Variants in PIP5K1B observed in about 807,000 individuals in gnomAD.
PIP5K1B encodes the protein phosphatidylinositol 4-phosphate 5-kinase type-1 beta.
Under a neutral mutation model 67.0 loss-of-function variants are expected in PIP5K1B, and 42 were observed. The ratio of observed to expected loss-of-function variants is 0.63; its 90% CI spans 0.49 to 0.81. The LOEUF is 0.81. Ranked by LOEUF, PIP5K1B falls within the 30% of genes least tolerant of loss-of-function variation. The pLI is 0.00. For missense variants in PIP5K1B, 459 were observed against 646.3 expected, an observed-to-expected ratio of 0.71 and a Z score of 3.14; for synonymous variants, 214 against 231.4, an observed-to-expected ratio of 0.92 and a Z score of 0.68.
At chr9:68,746,155 T>A (rs1829296166) in intron 2 of PIP5K1B, among the ~76,000 whole-genome samples, 1 of 148,486 alleles carries the variant, frequency 6.7e-6, no homozygotes, top group Non-Finnish European at 1.5e-5. Flanking sequence ...CTCGGCTCAC[T>A]GCAACCTCCA....
intron 14 of PIP5K1B, 83 bp from the exon 15 acceptor site, chr9:68,991,057 C>T (rs894728653): frequency 8.1e-5 from 64 of 794,512 alleles, no homozygotes; most frequent in Non-Finnish European, 1.2e-4. Context: ...AAGCTGCCCA[C>T]CTCACCCTCT....
At chr9:68,862,168 A>G (rs191864024) in intron 4 of PIP5K1B, among the ~76,000 whole-genome samples, 26 of 152,262 alleles carry the variant, frequency 1.7e-4, no homozygotes, top group African/African-American at 6.3e-4. Flanking sequence ...GCCCTGCTCT[A>G]GATGTAGTCT....
chr9:68,781,802 G>A (rs1430149891), intron 2 of PIP5K1B: 1 of 166,554 alleles, frequency 6.0e-6, no homozygotes. Context: ...AAGTGAAATG[G>A]GACAGTGCCT....
intron 14 of PIP5K1B, among the ~76,000 whole-genome samples, chr9:68,958,084 G>A (rs1828497228): frequency 6.6e-6 from 1 of 152,058 alleles, no homozygotes; most frequent in African/African-American, 2.4e-5. Context: ...TGTTGCCCAG[G>A]CTGGTCTTGA....
intron 5 of PIP5K1B, among the ~76,000 whole-genome samples, chr9:68,874,001 A>G (rs191859047): frequency 1.5e-4 from 23 of 152,332 alleles, no homozygotes; most frequent in African/African-American, 4.3e-4. Flanking sequence ...TATGAACCTA[A>G]TTTACAGAAG....
intron 2 of PIP5K1B, among the ~76,000 whole-genome samples, chr9:68,811,024 C>T (rs966683513): frequency 3.3e-5 from 5 of 152,172 alleles, no homozygotes; most frequent in Non-Finnish European, 7.3e-5. Context: ...CTTGACTGGA[C>T]TCCAGGAAAA....
At chr9:68,909,352 C>T (rs1269369384) in intron 8 of PIP5K1B, among the ~76,000 whole-genome samples, 1 of 150,636 alleles carries the variant, frequency 6.6e-6, no homozygotes, top group Non-Finnish European at 1.5e-5. Context: ...CAAGACATCA[C>T]ATCATTTTAC....
At chr9:68,981,945 G>A (rs995616105) in intron 14 of PIP5K1B, among the ~76,000 whole-genome samples, 1 of 152,212 alleles carries the variant, frequency 6.6e-6, no homozygotes, top group Non-Finnish European at 1.5e-5. Flanking sequence ...GGAGAGCAGA[G>A]CACAGAGCCC....
At chr9:68,926,851 A>G in intron 12 of PIP5K1B, among the ~76,000 whole-genome samples, 1 of 152,142 alleles carries the variant, frequency 6.6e-6, no homozygotes, top group Non-Finnish European at 1.5e-5. Flanking sequence ...AGATACAGGC[A>G]TGAGCCACCA....
chr9:68,851,024 A>T (rs773707868), intron 4 of PIP5K1B, among the ~76,000 whole-genome samples: 20 of 152,204 alleles, frequency 1.3e-4, no homozygotes, highest in South Asian at 2.1e-4. Flanking sequence ...TAGGGCAATT[A>T]AGTGTCCATA....
Position 68,888,987 on chromosome 9 carries a change from AT to A in PIP5K1B, c.326del (p.Ile109ThrfsTer6). ...GIKPDDYLYS[I>X]CSEPLIELSN... ...TATTCATTTACCCTTTTAGTATTCCATCTGCAGTGAACCTCTAATAGAACTG... is the reference window on the plus strand; with the variant it reads ...TATTCATTTACCCTTTTAGTATTCCACTGCAGTGAACCTCTAATAGAACTG... On this transcript the variant is annotated frameshift_variant, in exon 7 of 16. Transcript: ENST00000265382. LOFTEE classifies it high-confidence loss of function. 1 of 1,606,876 alleles carries A rather than the reference AT, an allele frequency of 6.2e-7. No individual in the cohort carries two copies.
intron 14 of PIP5K1B, among the ~76,000 whole-genome samples, chr9:68,961,847 A>G (rs937878052): frequency 4.6e-5 from 7 of 152,184 alleles, no homozygotes; most frequent in African/African-American, 1.4e-4. Flanking sequence ...CATTCTTAAA[A>G]TAGGGTTGAG....
chr9:68,740,960 T>A, intron 1 of PIP5K1B, among the ~76,000 whole-genome samples: 1 of 152,238 alleles, frequency 6.6e-6, no homozygotes, highest in East Asian at 1.9e-4. Flanking sequence ...AAGTTTTAGA[T>A]CAGGTCATTT....
chr9:68,910,965 T>G (rs947503995), intron 8 of PIP5K1B, among the ~76,000 whole-genome samples: 2 of 152,224 alleles, frequency 1.3e-5, no homozygotes, highest in Admixed American at 1.3e-4. Flanking sequence ...GTGAGGACTT[T>G]CTATGTCAAA....
At chr9:68,859,833 A>G (rs1294112267) in intron 4 of PIP5K1B, among the ~76,000 whole-genome samples, 1 of 152,232 alleles carries the variant, frequency 6.6e-6, no homozygotes, top group African/African-American at 2.4e-5. Flanking sequence ...CACAGTTTCA[A>G]AGTACATCTG....
intron 8 of PIP5K1B, among the ~76,000 whole-genome samples, chr9:68,897,790 C>A (rs562342663): frequency 5.7e-4 from 86 of 152,070 alleles, no homozygotes; most frequent in Non-Finnish European, 1.1e-3. Context: ...CTGACCTCCC[C>A]CTGCTTCTTG....
Position 68,819,792 on chromosome 9 carries a change from G to A in PIP5K1B, c.-1+1247G>A, listed in dbSNP as rs538583953. 7.3e-4 allele frequency among the ~76,000 whole-genome samples: 111 copies of A among 152,026 alleles called. 1 individual carries two copies. Among genetic ancestry groups the A allele is most frequent in the African/African-American group, 2.6e-3 (108 of 41,462 alleles). Reference sequence around the variant, plus strand: ...CCGACTCCAATGCCCCTGGTTAATAGGTTTATGTGACCTTTGTTAAACATC... The same window carrying A: ...CCGACTCCAATGCCCCTGGTTAATAAGTTTATGTGACCTTTGTTAAACATC... On this transcript the variant is annotated intron_variant, in intron 3 of 15. Coordinates refer to ENST00000265382, the MANE Select transcript of PIP5K1B (RefSeq NM_003558.4).
rs369575439 is a variant in PIP5K1B, at chr9:68,978,900, G to A, written c.1503-12240G>A. Among the ~76,000 whole-genome samples the A allele has an allele frequency of 1.7e-3, 260 of 152,230 alleles. 2 individuals carry two copies. The highest frequency in any genetic ancestry group is 5.7e-3 in the African/African-American group (236 of 41,550). On this transcript the variant is annotated intron_variant, in intron 14 of 15. Coordinates refer to ENST00000265382, the MANE Select transcript of PIP5K1B (RefSeq NM_003558.4). ...TTTTCTCCTTCGTTTTTTCCTGGAA[G>A]CTTTCTACGTTTAACTTTCACATTT...
rs181140859 is a variant in PIP5K1B, at chr9:68,985,490, G to A, written c.1503-5650G>A. 5.3e-3 allele frequency among the ~76,000 whole-genome samples: 807 copies of A among 152,170 alleles called. 5 individuals are homozygous for A. Among genetic ancestry groups the A allele is most frequent in the South Asian group, 0.027 (132 of 4,818 alleles). On this transcript the variant is annotated intron_variant, in intron 14 of 15. Coordinates refer to ENST00000265382, the MANE Select transcript of PIP5K1B (RefSeq NM_003558.4). Reference sequence around the variant, plus strand: ...TGGTCTTGAACTCCTGACCTCAGGCGATCCACCTGCCTCGGCCTCCCAAAG... The same window carrying A: ...TGGTCTTGAACTCCTGACCTCAGGCAATCCACCTGCCTCGGCCTCCCAAAG...
Sources: allele counts gnomAD v4.1 joint callset (sites outside exome capture counted in the v4.1 genomes callset), GRCh38; gene constraint gnomAD v4.1.1; transcripts MANE v1.5; gene names NCBI Gene and HGNC (gene_info 2026-07-23, HGNC 2026-07-21).